The following IDE variants were observed in gnomAD, a reference collection of about 807,000 sequenced individuals.
IDE encodes insulin degrading enzyme, also known as insulin-degrading enzyme.
A neutral mutation model predicts 133.2 loss-of-function variants in IDE; 58 were observed. The observed-to-expected ratio is 0.44, with a 90% CI of 0.35 to 0.54. IDE has a LOEUF of 0.54. Among genes scored for constraint, IDE ranks in the 20% least tolerant of loss-of-function variants. IDE has a pLI of 0.00. For missense variants in IDE, 981 were observed against 1,234.0 expected (o/e 0.79, Z 3.07); for synonymous variants, 396 against 421.3 (o/e 0.94, Z 0.73).
chr10:92,558,455 A>T (rs373777694), intron 1 of IDE, among the ~76,000 whole-genome samples: 1 of 152,248 alleles, frequency 6.6e-6, no homozygotes, highest in Non-Finnish European at 1.5e-5. Flanking sequence ...TTTTAAAAAG[A>T]CAAATTAGAC....
intron 15 of IDE, chr10:92,478,613 G>A: frequency 1.8e-6 from 2 of 1,130,584 alleles, no homozygotes; most frequent in South Asian, 1.9e-5. Flanking sequence ...TAAACGGGGT[G>A]GTGCCTTTTC....
At chr10:92,505,903 C>A (rs1180980252) in intron 10 of IDE, among the ~76,000 whole-genome samples, 1 of 152,182 alleles carries the variant, frequency 6.6e-6, no homozygotes, top group East Asian at 1.9e-4. Flanking sequence ...GGCCACATCA[C>A]CTTGTAGGCC....
intron 1 of IDE, among the ~76,000 whole-genome samples, chr10:92,568,306 G>C (rs1198518325): frequency 2.0e-5 from 3 of 152,090 alleles, no homozygotes; most frequent in Non-Finnish European, 4.4e-5. Flanking sequence ...TGATACCAGG[G>C]CATACTTGCA....
At chr10:92,512,508 C>T (rs947966363) in intron 5 of IDE, among the ~76,000 whole-genome samples, 2 of 151,124 alleles carry the variant, frequency 1.3e-5, no homozygotes, top group African/African-American at 4.9e-5. Context: ...TGTTACTTGC[C>T]TATTAAATGT....
chr10:92,479,297 T>C lies in IDE; in HGVS notation c.1864A>G (p.Asn622Asp). The change falls in exon 15 of 25, where the codon AAT becomes GAT. Residue 622 changes from asparagine (N) to aspartate (D), a missense_variant. By Grantham distance (23) the Asn-to-Asp change is conservative. Around this residue, in one of 2 missense-constraint regions of IDE, gnomAD observed 660 missense variants for 894.7 expected, o/e 0.74. Coordinates refer to ENST00000265986, the MANE Select transcript of IDE (RefSeq NM_004969.4). Reference sequence around the variant, plus strand: ...CTTACATACATCCCATAGATGGTATTTTGGAGATCATAGCTCAAGCCTGCT... The same window carrying C: ...CTTACATACATCCCATAGATGGTATCTTGGAGATCATAGCTCAAGCCTGCT... ...ELAGLSYDLQ[N>D]TIYGMYLSVK... The C allele has an allele frequency of 6.2e-7, 1 of 1,612,832 alleles. No individual in the cohort carries two copies. The highest frequency in any genetic ancestry group is 1.1e-5 in the South Asian group (1 of 91,032).
At chr10:92,556,671 T>C (rs1418795635) in intron 1 of IDE, among the ~76,000 whole-genome samples, 1 of 152,102 alleles carries the variant, frequency 6.6e-6, no homozygotes, top group Non-Finnish European at 1.5e-5. Flanking sequence ...GGCAGGAGAA[T>C]CGCTTGGACC....
chr10:92,542,572 GA>G (rs1425789854), intron 1 of IDE, among the ~76,000 whole-genome samples: 1 of 152,220 alleles, frequency 6.6e-6, no homozygotes, highest in Admixed American at 6.5e-5. Flanking sequence ...TTACAGGCAT[GA>G]GACACTACAC....
intron 21 of IDE, among the ~76,000 whole-genome samples, chr10:92,463,237 G>T (rs1171132454): frequency 6.6e-6 from 1 of 152,186 alleles, no homozygotes; most frequent in Non-Finnish European, 1.5e-5. Context: ...AAGGTGAAAG[G>T]AAGCTGATTC....
chr10:92,542,112 C>T (rs1244946256), intron 1 of IDE, among the ~76,000 whole-genome samples: 1 of 152,178 alleles, frequency 6.6e-6, no homozygotes, highest in Non-Finnish European at 1.5e-5. Context: ...CACCAGAGCC[C>T]TTGTTTTGAA....
chr10:92,471,954 T>C (rs1041822487), intron 17 of IDE, among the ~76,000 whole-genome samples: 2 of 152,270 alleles, frequency 1.3e-5, no homozygotes, highest in East Asian at 3.9e-4. Flanking sequence ...GCTGGGTGCA[T>C]GGCAGGCAGT....
chr10:92,489,526 C>CAA (rs532738300), intron 12 of IDE, among the ~76,000 whole-genome samples: 5 of 145,520 alleles, frequency 3.4e-5, no homozygotes, highest in Admixed American at 2.1e-4. Context: ...GATTCCATCT[C>CAA]AAAAAAAAAA....
intron 21 of IDE, 101 bp downstream of exon 21, chr10:92,463,630 G>T (rs1845512457): frequency 9.1e-7 from 1 of 1,093,388 alleles, no homozygotes; most frequent in Non-Finnish European, 1.4e-6. Context: ...CCCCAAATAG[G>T]TAACGGAATA....
In IDE at chr10:92,524,363, TTATAATATATATTATA is replaced by T. The variant is rs1453415319; in HGVS notation, c.661+7369_661+7384del. ...TATATTATATATAATATATTTTATA[TTATAATATATATTATA>T]TATAATATATTTTATATAATATATA... On this transcript the variant is annotated intron_variant, in intron 4 of 24. Transcript: ENST00000265986. Among the ~76,000 whole-genome samples, 62 of 9,666 alleles carry T rather than the reference TTATAATATATATTATA, an allele frequency of 6.4e-3. 6 individuals carry two copies. The highest frequency in any genetic ancestry group is 0.013 in the Admixed American group (7 of 536). The allele number at this position is 9,666 out of a possible 152,430, so 6.3% of individuals were successfully genotyped here.
chr10:92,456,394 AC>A lies in IDE; in HGVS notation c.2860del (p.Val954TyrfsTer25). 6.2e-7 allele frequency: 1 copy of A among 1,613,962 alleles called. No homozygotes were observed. Among genetic ancestry groups the A allele is most frequent in the Non-Finnish European group, 8.5e-7 (1 of 1,179,838 alleles). On this transcript the variant is annotated frameshift_variant, in exon 23 of 25. Transcript: ENST00000265986. LOFTEE classifies it high-confidence loss of function. ...LAVDAPRRHK[V>X]SVHVLAREMD... ...TTCCCTGGCAAGAACATGGACGGATACCTTATGTCTCCTTGGAGCATCTACT... is the reference window on the plus strand; with the variant it reads ...TTCCCTGGCAAGAACATGGACGGATACTTATGTCTCCTTGGAGCATCTACT...
intron 4 of IDE, among the ~76,000 whole-genome samples, chr10:92,521,545 A>G (rs901031385): frequency 3.3e-5 from 5 of 152,156 alleles, no homozygotes; most frequent in Non-Finnish European, 5.9e-5. Context: ...CTTAAAAGAC[A>G]TATCAGACTG....
At chr10:92,573,718 C>A (rs1455049617) in intron 1 of IDE, among the ~76,000 whole-genome samples, 1 of 152,230 alleles carries the variant, frequency 6.6e-6, no homozygotes, top group Non-Finnish European at 1.5e-5. Flanking sequence ...GACTCTGGAC[C>A]AGGCCTCTGG....
chr10:92,525,398 AC>A (rs1759937263), intron 4 of IDE, among the ~76,000 whole-genome samples: 1 of 152,256 alleles, frequency 6.6e-6, no homozygotes, highest in African/African-American at 2.4e-5. Context: ...ATATGTCAAA[AC>A]AATAAAGGCT....
At chr10:92,522,637 G>A (rs765376082) in intron 4 of IDE, among the ~76,000 whole-genome samples, 1 of 152,100 alleles carries the variant, frequency 6.6e-6, no homozygotes, top group Non-Finnish European at 1.5e-5. Context: ...AATAAATTCT[G>A]GGCAACACTA....
Position 92,481,041 on chromosome 10 carries a change from A to C in IDE, c.1740-1620T>G, listed in dbSNP as rs534566660. The C allele has an allele frequency of 2.0e-4, 63 of 312,168 alleles. No homozygotes were observed. In the South Asian group the frequency reaches 6.4e-3, roughly 32 times the overall value. The allele number at this position is 312,168 out of a possible 1,614,324, so 19.3% of individuals were successfully genotyped here. The stretch of plus-strand genomic sequence containing the variant: ...AATCTGAATAAATGTTCTGCCATTA[A>C]ATTTTTTAAGGTATGATACATGATG... On this transcript the variant is annotated intron_variant, in intron 14 of 24. Coordinates refer to ENST00000265986, the MANE Select transcript of IDE (RefSeq NM_004969.4).
Sources: gnomAD v4.1 joint callset for allele counts (sites outside exome capture counted in the v4.1 genomes callset) on GRCh38, gnomAD v4.1.1 for gene constraint, gnomAD v4.1.1 regional missense constraint, MANE v1.5 for transcripts, NCBI Gene and HGNC (gene_info 2026-07-23, HGNC 2026-07-21) for gene names.